IDO1: variants seen among roughly 807,000 people sequenced by gnomAD.
The protein encoded by IDO1 is indoleamine 2,3-dioxygenase 1.
IDO1 carries 35 observed loss-of-function variants against 38.8 expected under a neutral mutation model. The ratio of observed to expected loss-of-function variants is 0.90; its 90% CI spans 0.69 to 1.20. The LOEUF is 1.20. Among genes scored for constraint, IDO1 ranks in the 50% most tolerant of loss-of-function variants. The pLI is 0.00. For synonymous variants in IDO1, 171 were observed against 170.0 expected (o/e 1.01, Z -0.05); for missense variants, 509 against 485.1 (o/e 1.05, Z -0.46).
chr8:39,917,351 C>A (rs1209825641), intron 1 of IDO1, among the ~76,000 whole-genome samples: 4 of 152,062 alleles, frequency 2.6e-5, no homozygotes, highest in African/African-American at 9.7e-5. Flanking sequence ...CAAAAATTAG[C>A]CAGGCATGGT....
intron 1 of IDO1, 33 bp from the exon 2 acceptor site, chr8:39,917,842 A>C: frequency 1.4e-6 from 2 of 1,388,270 alleles, no homozygotes; most frequent in Non-Finnish European, 2.0e-6. Flanking sequence ...AATAACTGCT[A>C]CTACTAAATA....
At chr8:39,921,614 G>A (rs1807272702) in intron 5 of IDO1, among the ~76,000 whole-genome samples, 1 of 152,166 alleles carries the variant, frequency 6.6e-6, no homozygotes, top group African/African-American at 2.4e-5. Flanking sequence ...GGCAGACGGT[G>A]TCATATCTTG....
In IDO1 at chr8:39,928,655, C is replaced by T. The variant is rs1246903317; in HGVS notation, c.*470C>T. Among the ~76,000 whole-genome samples the T allele has an allele frequency of 6.6e-6, 1 of 151,422 alleles. No homozygotes were observed. Among genetic ancestry groups the T allele is most frequent in the Admixed American group, 6.6e-5 (1 of 15,208 alleles). ...GGCTGAGGCAGGAGAATGGCGTGAA[C>T]CTGGGAGGCGGAGCTTGCAGTGAGC... is the stretch of plus-strand genomic sequence containing the variant. On this transcript the variant is annotated 3_prime_UTR_variant, in exon 10 of 10. Coordinates refer to ENST00000518237, the MANE Select transcript of IDO1 (RefSeq NM_002164.6).
At position 39,917,902 on chromosome 8, in the gene IDO1, T is replaced by A; in HGVS notation, c.115T>A (p.Trp39Arg). Residue 39 changes from tryptophan to arginine, a missense_variant, in exon 2 of 10, where the codon TGG (tryptophan) becomes AGG (arginine). Physicochemically the swap from Trp to Arg is moderately radical, Grantham distance 101. Transcript: ENST00000518237. ...QENLPDFYNDWMFIAKHLPDL... is the reference protein window; with the variant it reads ...QENLPDFYNDRMFIAKHLPDL... ...AAATCTACCTGATTTTTATAATGAC[T>A]GGATGTTCATTGCTAAACATCTGCC... The A allele has an allele frequency of 6.2e-7, 1 of 1,608,862 alleles. No individual in the cohort carries two copies.
At chr8:39,922,759 A>G in intron 6 of IDO1, 108 bp downstream of exon 6, 2 of 728,220 alleles carry the variant, frequency 2.7e-6, no homozygotes, top group South Asian at 1.5e-5. Context: ...CTTAACAAGT[A>G]CAACATGGGA....
chr8:39,914,837 C>A (rs1171740431), intron 1 of IDO1, among the ~76,000 whole-genome samples: 2 of 152,180 alleles, frequency 1.3e-5, no homozygotes, highest in African/African-American at 4.8e-5. Flanking sequence ...ACGATCTCAG[C>A]TCACTGCAAC....
rs1438792930 is a variant in IDO1 at position 39,918,095 on chromosome 8, T to C, written c.191T>C (p.Met64Thr). The change falls in exon 3 of 10, where the codon ATG becomes ACG. Residue 64 changes from methionine to threonine, a missense_variant. Transcript: ENST00000518237. ...QLRERVEKLN[M>T]LSIDHLTDHK... ...TGCTCCATTTGTTTTCAGTTAAACA[T>C]GCTCAGCATTGATCATCTCACAGAC... 1 of 1,613,996 alleles carries C rather than the reference T, an allele frequency of 6.2e-7. No homozygotes were observed. The highest frequency in any genetic ancestry group is 8.5e-7 in the Non-Finnish European group (1 of 1,179,864).
At position 39,920,221 on chromosome 8, in the gene IDO1, A is replaced by T. The variant is rs1009623791; in HGVS notation, c.437+107A>T. On this transcript the variant is annotated intron_variant, in intron 5 of 9. Coordinates refer to ENST00000518237, the MANE Select transcript of IDO1 (RefSeq NM_002164.6). ...CATTTTTAAATGATTAATTGAATTC[A>T]GCCAAAAAATAATTTAAGTGACTAT... 15 of 835,604 alleles carry T rather than the reference A, an allele frequency of 1.8e-5. No homozygotes were observed. In the African/African-American group the frequency reaches 2.6e-4, roughly 14 times the overall value. The allele number at this position is 835,604 out of a possible 1,614,324, so 51.8% of individuals were successfully genotyped here.
chr8:39,924,479 ACTTGTTACGT>A (rs1000639729), intron 7 of IDO1, among the ~76,000 whole-genome samples: 12 of 151,914 alleles, frequency 7.9e-5, no homozygotes, highest in Admixed American at 7.9e-4. Flanking sequence ...TAAACAGTTT[ACTTGTTACGT>A]CAGTAAGCAC....
intron 3 of IDO1, 31 bp downstream of exon 3, chr8:39,918,238 A>G (rs1361386534): frequency 5.7e-6 from 9 of 1,588,720 alleles, no homozygotes; most frequent in Non-Finnish European, 7.7e-6. Flanking sequence ...TTCTTATGCT[A>G]TGTGACAGAT....
chr8:39,928,284 G>T lies in IDO1; in HGVS notation c.*99G>T. On this transcript the variant is annotated 3_prime_UTR_variant, in exon 10 of 10. Transcript: ENST00000518237. ...GAGCCACAAACTAATACTATGCAAT[G>T]TTTTACCAATAATGCAATACAAAAG... is the stretch of plus-strand genomic sequence containing the variant. The T allele has an allele frequency of 1.2e-6, 1 of 800,968 alleles. No homozygotes were observed. The highest frequency in any genetic ancestry group is 1.9e-6 in the Non-Finnish European group (1 of 516,258). 49.6% of individuals were successfully genotyped at this position (800,968 alleles called of 1,614,324 possible).
chr8:39,917,769 G>A, intron 1 of IDO1, 106 bp from the exon 2 acceptor site: 2 of 716,222 alleles, frequency 2.8e-6, no homozygotes, highest in East Asian at 5.4e-5. Context: ...CCATATGCCA[G>A]GGCAACATTG....
chr8:39,914,313 G>A lies in IDO1; in HGVS notation c.87+304G>A, dbSNP rs570477784. On this transcript the variant is annotated intron_variant, in intron 1 of 9. Coordinates refer to ENST00000518237, the MANE Select transcript of IDO1 (RefSeq NM_002164.6). ...AATTATATAGTAAAATACAAACAAT[G>A]AGGTTATTACAGTTGTATTTTGAGA... is the stretch of plus-strand genomic sequence containing the variant. The A allele has an allele frequency of 1.2e-4, 24 of 203,904 alleles. 1 individual carries two copies. The South Asian group carries it at 2.3e-3, about 20-fold the overall frequency. 12.6% of individuals were successfully genotyped at this position (203,904 alleles called of 1,614,324 possible).
Position 39,927,983 on chromosome 8 carries a change from A to G in IDO1, c.1010A>G (p.Lys337Arg). Residue 337 changes from lysine (K) to arginine (R), a missense_variant, in exon 10 of 10, where the codon AAA (lysine) becomes AGA (arginine). Transcript: ENST00000518237. ...GLREAYDACV[K>R]ALVSLRSYHL... is the part of the protein sequence containing the mutation. ...CGGGAAGCTTATGACGCCTGTGTGAAAGCTCTGGTCTCCCTGAGGAGCTAC... is the reference window on the plus strand; with the variant it reads ...CGGGAAGCTTATGACGCCTGTGTGAGAGCTCTGGTCTCCCTGAGGAGCTAC... The G allele has an allele frequency of 6.2e-7, 1 of 1,605,446 alleles. No homozygotes were observed. Among genetic ancestry groups the G allele is most frequent in the Non-Finnish European group, 8.5e-7 (1 of 1,175,968 alleles).
In IDO1 at chr8:39,925,441, A is replaced by G. The variant is rs933433969; in HGVS notation, c.856+70A>G. ...AATAGTATTTGGATATCTACAAAGC[A>G]CCTTCCCATCAGCATCTTATCTGAG... On this transcript the variant is annotated intron_variant, in intron 9 of 9. Coordinates refer to ENST00000518237, the MANE Select transcript of IDO1 (RefSeq NM_002164.6). 32 of 1,410,056 alleles carry G rather than the reference A, an allele frequency of 2.3e-5. 1 individual carries two copies. The East Asian group carries it at 5.3e-4, about 23-fold the overall frequency. The allele number at this position is 1,410,056 out of a possible 1,614,324, so 87.3% of individuals were successfully genotyped here. A position where few individuals can be genotyped will look rare whatever the true frequency, so the allele number is the denominator to read the frequency against.
intron 1 of IDO1, chr8:39,914,234 A>C: frequency 2.4e-6 from 1 of 409,168 alleles, no homozygotes; most frequent in Non-Finnish European, 4.4e-6. Context: ...CCTAACATGG[A>C]TACGGAGAGT....
chr8:39,926,144 G>T (rs1054919385), intron 9 of IDO1, among the ~76,000 whole-genome samples: 1 of 152,008 alleles, frequency 6.6e-6, no homozygotes, highest in African/African-American at 2.4e-5. Context: ...CCGATATGGC[G>T]CCACTGCACT....
chr8:39,923,690 T>C (rs1433019101), intron 7 of IDO1, 104 bp downstream of exon 7: 19 of 626,476 alleles, frequency 3.0e-5, no homozygotes, highest in Non-Finnish European at 5.1e-5. Flanking sequence ...ACTTAGTATG[T>C]TTTCACTTTA....
At chr8:39,925,161 C>T (rs548302866) in intron 8 of IDO1, 62 bp from the exon 9 acceptor site, 45 of 1,450,622 alleles carry the variant, frequency 3.1e-5, no homozygotes, top group Non-Finnish European at 3.8e-5. Context: ...AGATTTGGTA[C>T]CTGAAAATTA....
Sources: allele counts gnomAD v4.1 joint callset (sites outside exome capture counted in the v4.1 genomes callset), GRCh38; gene constraint gnomAD v4.1.1; transcripts MANE v1.5; gene names NCBI Gene and HGNC (gene_info 2026-07-23, HGNC 2026-07-21).